MAML3: variants seen among roughly 807,000 people sequenced by gnomAD.
The protein encoded by MAML3 is mastermind-like protein 3.
In MAML3, 27 loss-of-function variants were observed where a neutral mutation model predicts 101.9. The ratio of observed to expected loss-of-function variants is 0.27; its 90% CI spans 0.20 to 0.37. MAML3 has a LOEUF of 0.37. MAML3 is among the 10% of genes least tolerant of loss of function. The pLI is 1.00. For missense variants in MAML3, 1,316 were observed against 1,444.9 expected (o/e 0.91, Z 1.45); for synonymous variants, 501 against 555.9 (o/e 0.90, Z 1.39).
chr4:140,005,772 A>T (rs920055724), intron 1 of MAML3, among the ~76,000 whole-genome samples: 2 of 152,212 alleles, frequency 1.3e-5, no homozygotes, highest in African/African-American at 4.8e-5. Context: ...TTTTGAAAAA[A>T]ATATTCTAAT....
intron 1 of MAML3, among the ~76,000 whole-genome samples, chr4:140,108,808 G>A (rs1728394013): frequency 6.6e-6 from 1 of 151,986 alleles, no homozygotes; most frequent in East Asian, 1.9e-4. Context: ...GATAACTTAA[G>A]TGAAATGTCA....
At chr4:140,117,662 T>TAC (rs1553977370) in intron 1 of MAML3, among the ~76,000 whole-genome samples, 3 of 151,442 alleles carry the variant, frequency 2.0e-5, no homozygotes, top group African/African-American at 7.3e-5. Context: ...TATATATATA[T>TAC]ACACATATAT....
intron 1 of MAML3, among the ~76,000 whole-genome samples, chr4:140,132,871 C>T (rs1728818674): frequency 6.6e-6 from 1 of 152,244 alleles, no homozygotes; most frequent in Non-Finnish European, 1.5e-5. Context: ...CTCCCCCTTC[C>T]TTTCAATGAG....
chr4:139,771,029 C>A (rs1369055911), intron 2 of MAML3, among the ~76,000 whole-genome samples: 1 of 152,098 alleles, frequency 6.6e-6, no homozygotes, highest in Non-Finnish European at 1.5e-5. Context: ...CAAAGACCCT[C>A]CATGAAGGAT....
At chr4:139,747,218 ACC>A (rs1378058930) in intron 2 of MAML3, among the ~76,000 whole-genome samples, 39 of 152,192 alleles carry the variant, frequency 2.6e-4, no homozygotes, top group Non-Finnish European at 5.6e-4. Flanking sequence ...CCAAATCCAC[ACC>A]TTCTGCATCA....
At chr4:139,775,701 G>T (rs894560647) in intron 2 of MAML3, among the ~76,000 whole-genome samples, 23 of 152,080 alleles carry the variant, frequency 1.5e-4, no homozygotes, top group African/African-American at 5.6e-4. Flanking sequence ...AGGCATCCTT[G>T]TTTCATTGTT....
intron 2 of MAML3, among the ~76,000 whole-genome samples, chr4:139,792,056 T>A (rs1235756710): frequency 6.6e-6 from 1 of 152,268 alleles, no homozygotes; most frequent in East Asian, 1.9e-4. Context: ...CAGACAGCGC[T>A]ACATACATTT....
intron 1 of MAML3, among the ~76,000 whole-genome samples, chr4:140,117,375 T>C (rs1190503739): frequency 6.6e-6 from 1 of 152,032 alleles, no homozygotes; most frequent in Non-Finnish European, 1.5e-5. Context: ...AAACCTAACT[T>C]CCAAAAATAA....
chr4:140,088,218 G>A (rs1472689289), intron 1 of MAML3, among the ~76,000 whole-genome samples: 1 of 152,018 alleles, frequency 6.6e-6, no homozygotes, highest in East Asian at 1.9e-4. Context: ...ATGGGAGGGA[G>A]GAAGGGAGGG....
At chr4:139,729,504 T>G (rs1278397405) in intron 3 of MAML3, among the ~76,000 whole-genome samples, 3 of 152,224 alleles carry the variant, frequency 2.0e-5, no homozygotes, top group Non-Finnish European at 1.5e-5. Context: ...AGGAATATTC[T>G]AGAAGGATAA....
chr4:139,870,997 G>A (rs941013411), intron 2 of MAML3, among the ~76,000 whole-genome samples: 2 of 152,130 alleles, frequency 1.3e-5, no homozygotes, highest in Non-Finnish European at 2.9e-5. Context: ...GTTTTCAGAT[G>A]TTTTTGGAAT....
chr4:140,152,538 T>C (rs563894332), intron 1 of MAML3, among the ~76,000 whole-genome samples: 2 of 151,764 alleles, frequency 1.3e-5, no homozygotes, highest in African/African-American at 2.4e-5. Context: ...TTCAAATCGG[T>C]ATCTTAAGAA....
chr4:140,112,403 G>A (rs1728452744), intron 1 of MAML3, among the ~76,000 whole-genome samples: 1 of 152,292 alleles, frequency 6.6e-6, no homozygotes, highest in East Asian at 1.9e-4. Flanking sequence ...TGACTTGGTG[G>A]TTTCCAATAT....
At chr4:139,798,882 G>T (rs966143852) in intron 2 of MAML3, among the ~76,000 whole-genome samples, 10 of 152,164 alleles carry the variant, frequency 6.6e-5, no homozygotes, top group African/African-American at 2.4e-4. Flanking sequence ...TTCTCATCCT[G>T]ATGTCCTACC....
chr4:139,732,526 G>A lies in MAML3; in HGVS notation c.2080-1859C>T, dbSNP rs372045095. Among the ~76,000 whole-genome samples, 105 of 151,494 alleles carry A rather than the reference G, an allele frequency of 6.9e-4. 1 individual carries two copies. In the South Asian group the frequency reaches 0.021, roughly 31 times the overall value. On this transcript the variant is annotated intron_variant, in intron 2 of 4. Transcript: ENST00000509479. ...CTGGTTTGTTCGTGCAGTAGCTTAGGTCACACAATCAATGAATGGAAGACA... is the reference window on the plus strand; with the variant it reads ...CTGGTTTGTTCGTGCAGTAGCTTAGATCACACAATCAATGAATGGAAGACA...
chr4:139,922,389 G>C (rs1189457316), intron 1 of MAML3, among the ~76,000 whole-genome samples: 3 of 152,106 alleles, frequency 2.0e-5, no homozygotes, highest in African/African-American at 7.2e-5. Context: ...CAGCAAAAAT[G>C]ATAGAGGGAT....
chr4:140,050,950 A>G (rs1392195354), intron 1 of MAML3, among the ~76,000 whole-genome samples: 1 of 152,222 alleles, frequency 6.6e-6, no homozygotes, highest in East Asian at 1.9e-4. Context: ...CACTAGTACA[A>G]TCAAGGTATC....
intron 1 of MAML3, among the ~76,000 whole-genome samples, chr4:139,895,958 A>G (rs1455440214): frequency 6.6e-6 from 1 of 152,246 alleles, no homozygotes; most frequent in East Asian, 1.9e-4. Context: ...GGAATATAAG[A>G]AAGACATTAT....
intron 1 of MAML3, among the ~76,000 whole-genome samples, chr4:140,069,186 C>T (rs762273989): frequency 1.9e-4 from 29 of 152,240 alleles, no homozygotes; most frequent in Non-Finnish European, 3.4e-4. Flanking sequence ...AACTTCAAAA[C>T]ATTTCTGTCC....
Sources: gnomAD v4.1 joint callset for allele counts (sites outside exome capture counted in the v4.1 genomes callset) on GRCh38, gnomAD v4.1.1 for gene constraint, MANE v1.5 for transcripts, NCBI Gene and HGNC (gene_info 2026-07-23, HGNC 2026-07-21) for gene names.